ATXN1: variants seen among roughly 807,000 people sequenced by gnomAD.
ATXN1 encodes the protein ataxin 1, also known as ataxin-1.
ATXN1 carries 8 observed loss-of-function variants against 56.4 expected under a neutral mutation model. The ratio of observed to expected loss-of-function variants is 0.14; its 90% CI spans 0.08 to 0.26. The LOEUF (loss-of-function observed/expected upper bound fraction) is 0.26. ATXN1 is among the 10% of genes least tolerant of loss of function. The probability of loss-of-function intolerance (pLI) is 1.00; values close to 1 mark genes in which losing one functional copy is unlikely to be tolerated. For missense variants in ATXN1, 987 were observed against 1,106.5 expected, an observed-to-expected ratio of 0.89 and a Z score of 1.53; for synonymous variants, 514 against 494.6, an observed-to-expected ratio of 1.04 and a Z score of -0.52.
chr6:16,614,887 T>G (rs1032436005), intron 3 of ATXN1: 2 of 151,416 alleles, frequency 1.3e-5, no homozygotes, highest in Admixed American at 1.3e-4. Flanking sequence ...CGTGTGCCAC[T>G]GCACTCCAGC....
intron 6 of ATXN1, among the ~76,000 whole-genome samples, chr6:16,369,188 C>A (rs1761988384): frequency 6.6e-6 from 1 of 152,194 alleles, no homozygotes; most frequent in African/African-American, 2.4e-5. Flanking sequence ...TTGAAATCAT[C>A]TACCTTGTCT....
intron 6 of ATXN1, among the ~76,000 whole-genome samples, chr6:16,358,442 T>C (rs1223562549): frequency 6.6e-6 from 1 of 152,226 alleles, no homozygotes; most frequent in Non-Finnish European, 1.5e-5. Context: ...AATTATTGTA[T>C]GTATATATCA....
At position 16,432,234 on chromosome 6, in the gene ATXN1, C is replaced by T. The variant is rs144346691; in HGVS notation, c.-161+53738G>A. Among the ~76,000 whole-genome samples, 724 of 152,292 alleles carry T rather than the reference C, an allele frequency of 4.8e-3. 5 individuals carry two copies. Among genetic ancestry groups the T allele is most frequent in the African/African-American group, 0.017 (694 of 41,542 alleles). On this transcript the variant is annotated intron_variant, in intron 6 of 7. Transcript: ENST00000436367. ...AACCGCATGGAAAATCACAATGTTA[C>T]ACTCGTTAAATTGACCCTGCAGGGC...
chr6:16,711,378 C>CAT (rs1759518798), intron 2 of ATXN1, among the ~76,000 whole-genome samples: 1 of 151,764 alleles, frequency 6.6e-6, no homozygotes, highest in African/African-American at 2.4e-5. Context: ...ACACAAAAAG[C>CAT]ATATATCTTA....
At chr6:16,313,314 A>G (rs1359349754) in intron 7 of ATXN1, among the ~76,000 whole-genome samples, 1 of 152,122 alleles carries the variant, frequency 6.6e-6, no homozygotes, top group South Asian at 2.1e-4. Flanking sequence ...ACCTAAGTTC[A>G]GTTACAGAGG....
chr6:16,472,970 C>G (rs1244463776), intron 6 of ATXN1, among the ~76,000 whole-genome samples: 2 of 152,294 alleles, frequency 1.3e-5, no homozygotes, highest in African/African-American at 4.8e-5. Context: ...AGATTAGGTC[C>G]TGGGTTTTTA....
chr6:16,344,884 A>G (rs1761343732), intron 6 of ATXN1, among the ~76,000 whole-genome samples: 1 of 152,176 alleles, frequency 6.6e-6, no homozygotes, highest in Non-Finnish European at 1.5e-5. Context: ...TCCTTAGGCA[A>G]TCATTCCTAA....
intron 4 of ATXN1, among the ~76,000 whole-genome samples, chr6:16,570,715 C>G (rs955376815): frequency 6.6e-6 from 1 of 152,158 alleles, no homozygotes; most frequent in African/African-American, 2.4e-5. Context: ...TAAGTTGTAA[C>G]CATTCCCCAC....
At chr6:16,507,589 T>C (rs1014459237) in intron 5 of ATXN1, among the ~76,000 whole-genome samples, 2 of 152,182 alleles carry the variant, frequency 1.3e-5, no homozygotes, top group Non-Finnish European at 2.9e-5. Context: ...TATAAGGTAA[T>C]TTTTCTCCAA....
chr6:16,382,286 C>T (rs570257635), intron 6 of ATXN1, among the ~76,000 whole-genome samples: 4 of 148,612 alleles, frequency 2.7e-5, no homozygotes, highest in East Asian at 2.0e-4. Context: ...GGCAACAGAG[C>T]GAGATTCCAT....
chr6:16,629,103 C>CT (rs1763459458), intron 3 of ATXN1, among the ~76,000 whole-genome samples: 1 of 88,274 alleles, frequency 1.1e-5, no homozygotes, highest in East Asian at 2.9e-4. Context: ...TATAAGTGTT[C>CT]CCTTTCTCCG....
rs1193286816 is a variant in ATXN1 at position 16,328,315 on chromosome 6, C to T, written c.-5G>A. 7.3e-6 allele frequency: 11 copies of T among 1,498,820 alleles called. No individual in the cohort carries two copies. The highest frequency in any genetic ancestry group is 2.2e-5 in the Admixed American group (1 of 44,648). The allele number at this position is 1,498,820 out of a possible 1,614,324, so 92.8% of individuals were successfully genotyped here. A position where few individuals can be genotyped will look rare whatever the true frequency, so the allele number is the denominator to read the frequency against. On this transcript the variant is annotated 5_prime_UTR_variant, in exon 7 of 8. Transcript: ENST00000436367. This position sits in a 1 kb window ranked among gnomAD's most constrained non-coding sequence, Gnocchi z 6.2. ...CCGCTCTTGGTTGGATTTCATTTTT[C>T]GCCGTCCCCCCTCCACGGTGACTGT...
intron 3 of ATXN1, among the ~76,000 whole-genome samples, chr6:16,593,723 A>G (rs1454326215): frequency 6.6e-6 from 1 of 151,970 alleles, no homozygotes; most frequent in Non-Finnish European, 1.5e-5. Context: ...TTTTCACACA[A>G]TATTGTTTCT....
chr6:16,528,256 G>A (rs779347555), intron 4 of ATXN1, among the ~76,000 whole-genome samples: 11 of 147,756 alleles, frequency 7.4e-5, no homozygotes, highest in East Asian at 2.0e-4. Flanking sequence ...AGCTGAGATC[G>A]CACCACTGCA....
intron 4 of ATXN1, among the ~76,000 whole-genome samples, chr6:16,528,759 A>G (rs142059161): frequency 1.3e-4 from 20 of 152,316 alleles, no homozygotes; most frequent in African/African-American, 4.8e-4. Context: ...TAACCTAACC[A>G]AGGTCACCAG....
intron 6 of ATXN1, among the ~76,000 whole-genome samples, chr6:16,345,692 T>C (rs896066175): frequency 6.6e-6 from 1 of 152,266 alleles, no homozygotes; most frequent in African/African-American, 2.4e-5. Context: ...GGCTGCAGTG[T>C]AGTGGAGCCC....
chr6:16,635,096 C>T (rs1430110233), intron 3 of ATXN1, among the ~76,000 whole-genome samples: 3 of 152,112 alleles, frequency 2.0e-5, no homozygotes, highest in Non-Finnish European at 4.4e-5. Flanking sequence ...TGAGCTCTGC[C>T]TCCTGTCAGG....
intron 4 of ATXN1, among the ~76,000 whole-genome samples, chr6:16,552,185 A>T (rs1203085900): frequency 6.6e-6 from 1 of 152,228 alleles, no homozygotes; most frequent in Non-Finnish European, 1.5e-5. Context: ...AAACAATTAA[A>T]GTCCAGAATA....
At chr6:16,731,906 T>C (rs1256118435) in intron 2 of ATXN1, among the ~76,000 whole-genome samples, 1 of 152,116 alleles carries the variant, frequency 6.6e-6, no homozygotes, top group East Asian at 1.9e-4. Flanking sequence ...AATTATTTGC[T>C]CTAAAGTATT....
Sources: allele counts gnomAD v4.1 joint callset (sites outside exome capture counted in the v4.1 genomes callset), GRCh38; gene constraint gnomAD v4.1.1; non-coding constraint Gnocchi (gnomAD v3.1); transcripts MANE v1.5; gene names NCBI Gene and HGNC (gene_info 2026-07-23, HGNC 2026-07-21).